Variants in REXO5 observed in about 807,000 individuals in gnomAD.
The protein encoded by REXO5 is exonuclease NEF-sp.
A neutral mutation model predicts 88.5 loss-of-function variants in REXO5; 48 were observed. That is an observed-to-expected ratio of 0.54 (90% CI 0.43 to 0.69). The LOEUF (loss-of-function observed/expected upper bound fraction) is 0.69, where lower values mean the gene tolerates loss of function less well. Ranked by LOEUF, REXO5 falls within the 30% of genes least tolerant of loss-of-function variation. REXO5 has a pLI of 0.00. For synonymous variants in REXO5, 311 were observed against 336.5 expected (o/e 0.92, Z 0.83); for missense variants, 749 against 912.2 (o/e 0.82, Z 2.30).
At chr16:20,833,395 G>A (rs775207952) in intron 13 of REXO5, among the ~76,000 whole-genome samples, 1 of 152,126 alleles carries the variant, frequency 6.6e-6, no homozygotes, top group Non-Finnish European at 1.5e-5. Context: ...TCATGGAAAC[G>A]TTTATCTTGG....
At chr16:20,809,395 A>G (rs755379471) in intron 2 of REXO5, among the ~76,000 whole-genome samples, 3 of 152,214 alleles carry the variant, frequency 2.0e-5, no homozygotes, top group Admixed American at 6.5e-5. Context: ...AACGCTTTTT[A>G]GCAATAAGAT....
intron 8 of REXO5, among the ~76,000 whole-genome samples, chr16:20,826,367 A>G (rs149349512): frequency 6.6e-6 from 1 of 152,350 alleles, no homozygotes; most frequent in African/African-American, 2.4e-5. Flanking sequence ...CAGAAATTTG[A>G]AGCTGAAAAT....
intron 17 of REXO5, 82 bp from the exon 18 acceptor site, chr16:20,844,969 TCTC>T: frequency 4.5e-6 from 7 of 1,559,892 alleles, no homozygotes; most frequent in Non-Finnish European, 6.1e-6. Context: ...ATTCTGTCCT[TCTC>T]CTTTGACCCT....
chr16:20,811,955 A>AGAT (rs2081005669), intron 2 of REXO5, among the ~76,000 whole-genome samples: 3 of 152,288 alleles, frequency 2.0e-5, no homozygotes, highest in South Asian at 4.1e-4. Flanking sequence ...CACTGGTCCA[A>AGAT]GATGATGATG....
chr16:20,807,147 C>T (rs2080896308), intron 2 of REXO5, 56 bp downstream of exon 2: 1 of 1,544,146 alleles, frequency 6.5e-7, no homozygotes. Context: ...CTCCCGGACC[C>T]TCGCCCAACC....
In REXO5 at chr16:20,820,777, T is replaced by G. The variant is rs200457192; in HGVS notation, c.476-985T>G. Among the ~76,000 whole-genome samples, 6 of 151,626 alleles carry G rather than the reference T, an allele frequency of 4.0e-5. No individual in the cohort carries two copies. In the East Asian group the frequency reaches 1.2e-3, roughly 30 times the overall value. On this transcript the variant is annotated intron_variant, in intron 5 of 19. Transcript: ENST00000261377. The stretch of plus-strand genomic sequence containing the variant: ...TGGGGTTTCACCATGTTGGCCAGGC[T>G]GGTCTTGAACTCCTGACCTCAAGGG...
chr16:20,812,869 A>C (rs2081021554), intron 2 of REXO5, among the ~76,000 whole-genome samples: 1 of 152,104 alleles, frequency 6.6e-6, no homozygotes, highest in African/African-American at 2.4e-5. Flanking sequence ...ACTTACCCAC[A>C]CTGTGTTGGA....
rs557876349 is a variant in REXO5 at position 20,815,044 on chromosome 16, A to G, written c.369A>G (p.Ala123=). 4.3e-6 allele frequency: 7 copies of G among 1,611,910 alleles called. No individual in the cohort carries two copies. The African/African-American group carries it at 8.0e-5, about 18-fold the overall frequency. ...TGGAGTTTGGATGTCTTCGAAAAGC[A>G]TTCAGACATGTAAGTTAAGAATACT... is the stretch of plus-strand genomic sequence containing the variant. ...FYLEFGCLRK[A]FRHKFRLPPP... is the part of the protein sequence containing the mutation. Residue 123 remains alanine (A), a synonymous_variant, in exon 4 of 20, where the codon GCA becomes GCG. Transcript: ENST00000261377.
intron 16 of REXO5, 30 bp downstream of exon 16, chr16:20,844,056 T>G: frequency 7.2e-7 from 1 of 1,396,810 alleles, no homozygotes. Context: ...CCCCCTTTGC[T>G]TGGGTCTGGC....
chr16:20,845,979 A>G lies in REXO5; in HGVS notation c.2125-242A>G, dbSNP rs550018348. ...CTCCCCTAGCTTGGGGTCTTGGAAG[A>G]CCCATGTGGAGGAAAGGACAGTAGC... On this transcript the variant is annotated intron_variant, in intron 18 of 19. Coordinates refer to ENST00000261377, the MANE Select transcript of REXO5 (RefSeq NM_030941.3). 3.9e-4 allele frequency among the ~76,000 whole-genome samples: 59 copies of G among 152,246 alleles called. 1 individual carries two copies. In the East Asian group the frequency reaches 9.5e-3, roughly 24 times the overall value.
intron 19 of REXO5, among the ~76,000 whole-genome samples, chr16:20,847,836 C>G (rs551664412): frequency 2.0e-4 from 31 of 152,170 alleles, no homozygotes; most frequent in Non-Finnish European, 3.2e-4. Context: ...TTTTCATGTT[C>G]TCACGTAGAA....
At chr16:20,816,604 G>A (rs1295394141) in intron 5 of REXO5, among the ~76,000 whole-genome samples, 1 of 152,166 alleles carries the variant, frequency 6.6e-6, no homozygotes, top group African/African-American at 2.4e-5. Context: ...GCTTCCCAAA[G>A]TGTGGGGATT....
chr16:20,841,487 G>C (rs570304107), intron 15 of REXO5, among the ~76,000 whole-genome samples: 1 of 152,064 alleles, frequency 6.6e-6, no homozygotes, highest in Non-Finnish European at 1.5e-5. Context: ...TTTAGAATTC[G>C]GAACTAGGTA....
intron 5 of REXO5, among the ~76,000 whole-genome samples, chr16:20,819,195 C>A (rs1486975081): frequency 6.6e-6 from 1 of 151,842 alleles, no homozygotes; most frequent in Non-Finnish European, 1.5e-5. Flanking sequence ...GGGTTGATAC[C>A]ATGTCTTTTC....
At chr16:20,821,695 T>C in intron 5 of REXO5, 67 bp from the exon 6 acceptor site, 1 of 1,447,286 alleles carries the variant, frequency 6.9e-7, no homozygotes, top group East Asian at 2.4e-5. Flanking sequence ...TATACAACCT[T>C]AGGAGACATT....
rs760403093 is a variant in REXO5, at chr16:20,828,415, A to G, written c.1056-20A>G. The G allele has an allele frequency of 9.7e-6, 15 of 1,544,474 alleles. No individual in the cohort carries two copies. Among genetic ancestry groups the G allele is most frequent in the Middle Eastern group, 1.7e-4 (1 of 5,946 alleles). On this transcript the variant is annotated intron_variant, in intron 10 of 19. Coordinates refer to ENST00000261377, the MANE Select transcript of REXO5 (RefSeq NM_030941.3). ...CATTAAAAGTGCTTCCAGTATGTCA[A>G]TTTTATATTGACTTTCCAGGAAGGA...
At chr16:20,844,322 C>T (rs950206868) in intron 16 of REXO5, among the ~76,000 whole-genome samples, 5 of 152,104 alleles carry the variant, frequency 3.3e-5, no homozygotes, top group Non-Finnish European at 7.3e-5. Context: ...CTTTTCTTCA[C>T]CTTTCAGGGA....
intron 12 of REXO5, 48 bp from the exon 13 acceptor site, chr16:20,832,955 G>C (rs770655872): frequency 6.4e-7 from 1 of 1,565,466 alleles, no homozygotes; most frequent in Admixed American, 1.7e-5. Context: ...TAACTGTCAG[G>C]TTCTGGAAAA....
intron 2 of REXO5, among the ~76,000 whole-genome samples, chr16:20,811,541 G>C (rs1426572830): frequency 6.6e-6 from 1 of 152,176 alleles, no homozygotes; most frequent in African/African-American, 2.4e-5. Flanking sequence ...AAGTTCGGGA[G>C]TAGGGAGTTG....
Sources: gnomAD v4.1 joint callset for allele counts (sites outside exome capture counted in the v4.1 genomes callset) on GRCh38, gnomAD v4.1.1 for gene constraint, MANE v1.5 for transcripts, NCBI Gene and HGNC (gene_info 2026-07-23, HGNC 2026-07-21) for gene names.